Variants in UBR3 observed in about 807,000 individuals in gnomAD.
UBR3 encodes the protein ubiquitin protein ligase E3 component n-recognin 3, also known as E3 ubiquitin-protein ligase UBR3.
Under a neutral mutation model 243.2 loss-of-function variants are expected in UBR3, and 85 were observed. That is an observed-to-expected ratio of 0.35 (90% CI 0.29 to 0.42). The LOEUF (loss-of-function observed/expected upper bound fraction) is 0.42. Among genes scored for constraint, UBR3 ranks in the 10% least tolerant of loss-of-function variants. The pLI is 1.00. For missense variants in UBR3, 1,686 were observed against 2,300.8 expected, an observed-to-expected ratio of 0.73 and a Z score of 5.47; for synonymous variants, 748 against 799.8, an observed-to-expected ratio of 0.94 and a Z score of 1.09.
chr2:169,881,636 G>T (rs1251922513), intron 5 of UBR3, among the ~76,000 whole-genome samples: 3 of 137,426 alleles, frequency 2.2e-5, no homozygotes, highest in African/African-American at 5.4e-5. Context: ...TTGAGATAGG[G>T]TCTTGCTCTC....
intron 11 of UBR3, among the ~76,000 whole-genome samples, chr2:169,919,788 G>A (rs374418397): frequency 6.6e-6 from 1 of 152,048 alleles, no homozygotes; most frequent in Non-Finnish European, 1.5e-5. Flanking sequence ...TAGAATGGCA[G>A]TCATTAAAAA....
At chr2:170,003,636 C>T (rs907018774) in intron 27 of UBR3, among the ~76,000 whole-genome samples, 1 of 151,902 alleles carries the variant, frequency 6.6e-6, no homozygotes, top group African/African-American at 2.4e-5. Flanking sequence ...TAGGTATACA[C>T]AGAGTCTTTT....
intron 19 of UBR3, among the ~76,000 whole-genome samples, chr2:169,938,960 T>G (rs1046069825): frequency 2.0e-5 from 3 of 152,180 alleles, no homozygotes; most frequent in African/African-American, 7.2e-5. Context: ...AACTTAAAAC[T>G]ACACATTCAC....
chr2:169,927,544 G>C, intron 17 of UBR3, 139 bp downstream of exon 17: 1 of 599,214 alleles, frequency 1.7e-6, no homozygotes, highest in Non-Finnish European at 2.7e-6. Context: ...CACCAGTTGT[G>C]TGCTCAAGTA....
chr2:169,905,172 CACTT>C lies in UBR3; in HGVS notation c.1528_1531del (p.Tyr510GlyfsTer27). 1.3e-6 allele frequency: 2 copies of C among 1,544,758 alleles called. No individual in the cohort carries two copies. Among genetic ancestry groups the C allele is most frequent in the Non-Finnish European group, 1.7e-6 (2 of 1,143,898 alleles). ...GTGGAGAAGCATTACTGAAGAATAA[CACTT>C]ACTGGCCTCTTGTTAGTGATTTTAT... is the stretch of plus-strand genomic sequence containing the variant. On this transcript the variant is annotated frameshift_variant, in exon 9 of 39. Coordinates refer to ENST00000272793, the MANE Select transcript of UBR3 (RefSeq NM_172070.4). LOFTEE classifies it high-confidence loss of function.
At chr2:169,859,330 C>T (rs967243871) in intron 1 of UBR3, among the ~76,000 whole-genome samples, 4 of 152,162 alleles carry the variant, frequency 2.6e-5, no homozygotes, top group Non-Finnish European at 4.4e-5. Flanking sequence ...CTCGGCTTCC[C>T]AGAGTGCTGG....
At chr2:169,933,131 TA>T in intron 19 of UBR3, 123 bp downstream of exon 19, 1 of 648,836 alleles carries the variant, frequency 1.5e-6, no homozygotes, top group Non-Finnish European at 2.4e-6. Flanking sequence ...AAGGTGAAAA[TA>T]ATAATTTAAG....
At chr2:169,881,634 G>A (rs2083832908) in intron 5 of UBR3, among the ~76,000 whole-genome samples, 1 of 138,740 alleles carries the variant, frequency 7.2e-6, no homozygotes, top group Admixed American at 7.4e-5. Context: ...TTTTGAGATA[G>A]GGTCTTGCTC....
At chr2:169,860,748 G>T (rs2105301853) in intron 1 of UBR3, among the ~76,000 whole-genome samples, 1 of 152,264 alleles carries the variant, frequency 6.6e-6, no homozygotes, top group Non-Finnish European at 1.5e-5. Context: ...GAACTAATAG[G>T]ATATATGGAT....
chr2:170,049,501 T>G (rs1020687300), intron 32 of UBR3, among the ~76,000 whole-genome samples: 1 of 152,200 alleles, frequency 6.6e-6, no homozygotes, highest in African/African-American at 2.4e-5. Flanking sequence ...ATCCGCAGTT[T>G]CAGACATCCC....
At position 169,895,150 on chromosome 2, in the gene UBR3, T is replaced by A. The variant is rs1436018035; in HGVS notation, c.1106-31T>A. 2.7e-6 allele frequency: 4 copies of A among 1,481,886 alleles called. No homozygotes were observed. In the East Asian group the frequency reaches 1.0e-4, roughly 38 times the overall value. The allele number at this position is 1,481,886 out of a possible 1,614,324, so 91.8% of individuals were successfully genotyped here. A position where few individuals can be genotyped will look rare whatever the true frequency, so the allele number is the denominator to read the frequency against. The stretch of plus-strand genomic sequence containing the variant: ...AAAATGAGATGAGCAACTTCAATCA[T>A]TAACTGATAAATTTCATTTTTCATG... On this transcript the variant is annotated intron_variant, in intron 6 of 38. Transcript: ENST00000272793.
intron 19 of UBR3, among the ~76,000 whole-genome samples, 168 bp downstream of exon 19, chr2:169,933,176 A>C (rs1273201078): frequency 6.6e-6 from 1 of 152,252 alleles, no homozygotes; most frequent in East Asian, 1.9e-4. Flanking sequence ...ATTTATGTTA[A>C]GATCTTTATC....
chr2:169,970,011 AT>A (rs1473815440), intron 24 of UBR3, among the ~76,000 whole-genome samples: 52 of 139,328 alleles, frequency 3.7e-4, no homozygotes, highest in South Asian at 9.0e-4. Flanking sequence ...TATCATATGA[AT>A]TTTTCTATCT....
intron 8 of UBR3, among the ~76,000 whole-genome samples, chr2:169,902,961 T>A (rs1380825370): frequency 1.3e-5 from 2 of 152,216 alleles, no homozygotes; most frequent in African/African-American, 2.4e-5. Context: ...TGAGTCCCTC[T>A]ACTTTTCCCA....
chr2:170,047,631 G>A (rs536010345), intron 32 of UBR3, among the ~76,000 whole-genome samples: 31 of 152,304 alleles, frequency 2.0e-4, no homozygotes, highest in South Asian at 8.3e-4. Context: ...GAAGCCATAC[G>A]TGATGTACAG....
chr2:169,971,700 C>A (rs964803236), intron 24 of UBR3, among the ~76,000 whole-genome samples: 1 of 152,066 alleles, frequency 6.6e-6, no homozygotes, highest in African/African-American at 2.4e-5. Flanking sequence ...TGTTTTGGTA[C>A]CAGTACCATG....
intron 1 of UBR3, among the ~76,000 whole-genome samples, chr2:169,856,120 G>C (rs183931877): frequency 2.7e-5 from 4 of 149,118 alleles, no homozygotes; most frequent in African/African-American, 7.5e-5. Context: ...TCAGACGGGG[G>C]CAGCCGGTCA....
Position 170,061,341 on chromosome 2 carries a change from T to C in UBR3, c.4917T>C (p.Pro1639=), listed in dbSNP as rs908491163. Residue 1639 remains proline (P), a synonymous_variant, in exon 35 of 39, where the codon CCT becomes CCC. Coordinates refer to ENST00000272793, the MANE Select transcript of UBR3 (RefSeq NM_172070.4). ...CAMVNPIAWS[P]ESMEKCLQDF... Reference sequence around the variant, plus strand: ...AGGTTAACCCTATTGCTTGGTCTCCTGAATCCATGGAAAAATGCTTACAGG... The same window carrying C: ...AGGTTAACCCTATTGCTTGGTCTCCCGAATCCATGGAAAAATGCTTACAGG... 1.2e-6 allele frequency: 2 copies of C among 1,614,102 alleles called. No homozygotes were observed. Among genetic ancestry groups the C allele is most frequent in the Non-Finnish European group, 1.7e-6 (2 of 1,180,018 alleles).
chr2:169,855,176 A>T (rs2082793539), intron 1 of UBR3, among the ~76,000 whole-genome samples: 2 of 152,204 alleles, frequency 1.3e-5, no homozygotes, highest in Non-Finnish European at 2.9e-5. Context: ...GGAGAAAAGG[A>T]TGAAAAATTA....
Sources: allele counts gnomAD v4.1 joint callset (sites outside exome capture counted in the v4.1 genomes callset), GRCh38; gene constraint gnomAD v4.1.1; transcripts MANE v1.5; gene names NCBI Gene and HGNC (gene_info 2026-07-23, HGNC 2026-07-21).